The following SGCZ variants were observed in gnomAD, a reference collection of about 807,000 sequenced individuals.
SGCZ encodes the protein zeta-sarcoglycan.
A neutral mutation model predicts 41.3 loss-of-function variants in SGCZ; 40 were observed. The ratio of observed to expected loss-of-function variants is 0.97; its 90% CI spans 0.75 to 1.26. The LOEUF (loss-of-function observed/expected upper bound fraction) is 1.26, where lower values mean the gene tolerates loss of function less well. Among genes scored for constraint, SGCZ ranks in the 50% most tolerant of loss-of-function variants. The pLI, the probability that SGCZ is intolerant of heterozygous loss-of-function variation, is 0.00. For synonymous variants in SGCZ, 206 were observed against 137.5 expected (o/e 1.50, Z -3.49); for missense variants, 552 against 369.8 (o/e 1.49, Z -4.04).
At chr8:14,518,404 C>T (rs1802689364) in intron 2 of SGCZ, among the ~76,000 whole-genome samples, 2 of 151,924 alleles carry the variant, frequency 1.3e-5, no homozygotes, top group Admixed American at 6.6e-5. Context: ...GAATAAATAT[C>T]GGCCTATTTT....
At chr8:14,347,363 TA>T (rs1443802067) in intron 2 of SGCZ, among the ~76,000 whole-genome samples, 1 of 152,112 alleles carries the variant, frequency 6.6e-6, no homozygotes, top group Admixed American at 6.6e-5. Flanking sequence ...GCCACAAAAC[TA>T]GTGTTGAGAA....
intron 1 of SGCZ, among the ~76,000 whole-genome samples, chr8:15,181,551 G>C (rs1800180569): frequency 6.6e-6 from 1 of 152,114 alleles, no homozygotes. Context: ...AGAAACTGTA[G>C]TGTCAAGCAA....
At chr8:14,791,024 C>A (rs1420749507) in intron 1 of SGCZ, among the ~76,000 whole-genome samples, 1 of 143,642 alleles carries the variant, frequency 7.0e-6, no homozygotes, top group Non-Finnish European at 1.5e-5. Context: ...GAGTGAGACT[C>A]TGTCTCAAAA....
Position 14,624,555 on chromosome 8 carries a change from A to ATTATTT in SGCZ, c.40-69630_40-69629insAAATAA, listed in dbSNP as rs1438250019. The stretch of plus-strand genomic sequence containing the variant: ...ATCACTCCCCAATTTTATTATTATT[A>ATTATTT]TTTTTTTTTTTTTTTTTTTTTTTTT... On this transcript the variant is annotated intron_variant, in intron 1 of 7. Coordinates refer to ENST00000382080, the MANE Select transcript of SGCZ (RefSeq NM_139167.4). Among the ~76,000 whole-genome samples, 9 of 96,246 alleles carry ATTATTT rather than the reference A, an allele frequency of 9.4e-5. No individual in the cohort carries two copies. In the East Asian group the frequency reaches 1.5e-3, roughly 17 times the overall value. The allele number at this position is 96,246 out of a possible 152,430, so 63.1% of individuals were successfully genotyped here. A position where few individuals can be genotyped will look rare whatever the true frequency, so the allele number is the denominator to read the frequency against.
At chr8:14,848,214 C>A (rs955515205) in intron 1 of SGCZ, among the ~76,000 whole-genome samples, 18 of 151,780 alleles carry the variant, frequency 1.2e-4, no homozygotes, top group African/African-American at 2.9e-4. Context: ...TGAAAGAGGG[C>A]AAAATAAAGG....
At chr8:14,950,195 C>T (rs1485445078) in intron 1 of SGCZ, among the ~76,000 whole-genome samples, 1 of 152,040 alleles carries the variant, frequency 6.6e-6, no homozygotes, top group Non-Finnish European at 1.5e-5. Flanking sequence ...TGGCTACTCT[C>T]AGGTCCATCT....
intron 2 of SGCZ, among the ~76,000 whole-genome samples, chr8:14,387,854 T>C (rs2117208875): frequency 6.6e-6 from 1 of 152,194 alleles, no homozygotes; most frequent in African/African-American, 2.4e-5. Context: ...ACAAAGATCA[T>C]TCTAGAATAC....
intron 4 of SGCZ, among the ~76,000 whole-genome samples, chr8:14,185,503 T>C (rs990723617): frequency 7.2e-5 from 11 of 152,202 alleles, no homozygotes; most frequent in African/African-American, 1.9e-4. Context: ...ATACTTTATT[T>C]TTTTTCAAAA....
intron 2 of SGCZ, among the ~76,000 whole-genome samples, chr8:14,333,729 C>A (rs574450915): frequency 7.9e-5 from 12 of 151,772 alleles, no homozygotes; most frequent in African/African-American, 2.9e-4. Flanking sequence ...TGAAATAATA[C>A]CCCTTTAAAT....
intron 1 of SGCZ, among the ~76,000 whole-genome samples, chr8:15,150,016 C>T (rs944605796): frequency 6.6e-5 from 10 of 152,064 alleles, no homozygotes; most frequent in Non-Finnish European, 8.8e-5. Flanking sequence ...AGTGTGTCTG[C>T]AAAGGAAAAA....
chr8:14,249,082 A>G (rs1420723226), intron 3 of SGCZ, among the ~76,000 whole-genome samples: 1 of 152,142 alleles, frequency 6.6e-6, no homozygotes, highest in African/African-American at 2.4e-5. Flanking sequence ...TAGGTCTGTG[A>G]GAGTGTTTCT....
At chr8:14,376,257 G>C (rs1804121522) in intron 2 of SGCZ, among the ~76,000 whole-genome samples, 1 of 152,128 alleles carries the variant, frequency 6.6e-6, no homozygotes. Flanking sequence ...GTTGCAGTGA[G>C]CCGAGATCGT....
intron 1 of SGCZ, among the ~76,000 whole-genome samples, chr8:15,139,871 A>T (rs891079108): frequency 9.9e-5 from 15 of 152,246 alleles, no homozygotes; most frequent in African/African-American, 3.6e-4. Flanking sequence ...AAGTTCCCCC[A>T]TGGCATGTGA....
In SGCZ at chr8:14,806,278, T is replaced by C. The variant is rs1277609529; in HGVS notation, c.40-251352A>G. Among the ~76,000 whole-genome samples the C allele has an allele frequency of 3.3e-5, 5 of 150,394 alleles. No homozygotes were observed. The South Asian group carries it at 6.3e-4, about 19-fold the overall frequency. On this transcript the variant is annotated intron_variant, in intron 1 of 7. Coordinates refer to ENST00000382080, the MANE Select transcript of SGCZ (RefSeq NM_139167.4). ...AGACATAAAAAACCCTTCAAAAAAT[T>C]AATGAATCCAGGAGCTGGTTTTTTG... is the stretch of plus-strand genomic sequence containing the variant.
chr8:14,868,003 T>G (rs1035175855), intron 1 of SGCZ, among the ~76,000 whole-genome samples: 70 of 152,064 alleles, frequency 4.6e-4, no homozygotes, highest in African/African-American at 1.6e-3. Flanking sequence ...TTCCACATGA[T>G]TGAGTCCCTG....
chr8:14,503,292 G>C (rs892681583), intron 2 of SGCZ, among the ~76,000 whole-genome samples: 4 of 152,054 alleles, frequency 2.6e-5, no homozygotes, highest in African/African-American at 7.3e-5. Context: ...ACCGGAGCCT[G>C]TCAGGGGATG....
intron 3 of SGCZ, among the ~76,000 whole-genome samples, chr8:14,264,505 C>G (rs1216078036): frequency 6.6e-6 from 1 of 152,174 alleles, no homozygotes; most frequent in Non-Finnish European, 1.5e-5. Context: ...CAAACCTCAG[C>G]TTAGGCTGCC....
intron 1 of SGCZ, among the ~76,000 whole-genome samples, chr8:15,003,333 A>G (rs1802492515): frequency 6.6e-6 from 1 of 152,128 alleles, no homozygotes; most frequent in Non-Finnish European, 1.5e-5. Flanking sequence ...CTTTTTATGT[A>G]TAAATTACTC....
chr8:14,365,062 T>G (rs890851247), intron 2 of SGCZ, among the ~76,000 whole-genome samples: 1 of 152,094 alleles, frequency 6.6e-6, no homozygotes, highest in Admixed American at 6.6e-5. Context: ...TTTTAAGTAA[T>G]AAGCAATTTT....
Sources: allele counts gnomAD v4.1 joint callset (sites outside exome capture counted in the v4.1 genomes callset), GRCh38; gene constraint gnomAD v4.1.1; transcripts MANE v1.5; gene names NCBI Gene and HGNC (gene_info 2026-07-23, HGNC 2026-07-21).